Variants in LMF1 observed in about 807,000 individuals in gnomAD.
LMF1 encodes the protein lipase maturation factor 1.
LMF1 carries 68 observed loss-of-function variants against 60.6 expected under a neutral mutation model. The ratio of observed to expected loss-of-function variants is 1.12; its 90% confidence interval spans 0.92 to 1.37. The LOEUF (loss-of-function observed/expected upper bound fraction) is 1.37. Among genes scored for constraint, LMF1 ranks in the 40% most tolerant of loss-of-function variants. The pLI is 0.00. For synonymous variants in LMF1, 418 were observed against 324.7 expected (o/e 1.29, Z -3.09); for missense variants, 948 against 767.2 (o/e 1.24, Z -2.78).
intron 1 of LMF1, 57 bp downstream of exon 1, chr16:970,731 G>C (rs1402838154): frequency 2.1e-6 from 3 of 1,445,184 alleles, no homozygotes; most frequent in East Asian, 5.7e-5. Flanking sequence ...GGGAGGGCGG[G>C]GGTCGTGGTG....
rs1473306393 is a variant in LMF1, at chr16:953,875, A to ACACC, written c.503+478_503+481dup. 6.2e-4 allele frequency among the ~76,000 whole-genome samples: 9 copies of ACACC among 14,532 alleles called. 3 individuals carry two copies. The highest frequency in any genetic ancestry group is 2.3e-3 in the African/African-American group (4 of 1,734). 9.5% of individuals were successfully genotyped at this position (14,532 alleles called of 152,430 possible). ...ACCAGCCTCCTACACGTCCACACAG[A>ACACC]CACCCCAAACCAGCCTCCTACACGT... On this transcript the variant is annotated intron_variant, in intron 2 of 10. Transcript: ENST00000262301.
At chr16:938,052 CA>C (rs5815061) in intron 2 of LMF1, among the ~76,000 whole-genome samples, 69,765 of 147,364 alleles carry the variant, frequency 0.47, 18,564 homozygotes, top group African/African-American at 0.7. Context: ...AAAAATACCA[CA>C]AAAAAAGAGG....
chr16:908,667 C>G (rs780031344), intron 4 of LMF1, among the ~76,000 whole-genome samples: 1 of 152,236 alleles, frequency 6.6e-6, no homozygotes, highest in Admixed American at 6.5e-5. Context: ...GCTCACCAGC[C>G]CAGAGGTCAC....
At chr16:971,266 G>A (rs2432296), upstream of LMF1, among the ~76,000 whole-genome samples, 73,173 of 152,088 alleles carry the variant, frequency 0.48, 18,181 homozygotes, top group South Asian at 0.62. Flanking sequence ...CCCGACCCGA[G>A]CTCACTGGGG....
intron 5 of LMF1, among the ~76,000 whole-genome samples, chr16:886,500 C>CG (rs2070311265): frequency 6.6e-6 from 1 of 151,856 alleles, no homozygotes; most frequent in Non-Finnish European, 1.5e-5. Context: ...CACCCTGCAG[C>CG]GGGCCACCTG....
At chr16:911,851 C>T (rs928297543) in intron 3 of LMF1, among the ~76,000 whole-genome samples, 1 of 152,100 alleles carries the variant, frequency 6.6e-6, no homozygotes, top group Non-Finnish European at 1.5e-5. Context: ...CCGGTCAGCC[C>T]CTCGCAGTCC....
chr16:908,406 A>G, intron 4 of LMF1, among the ~76,000 whole-genome samples: 1 of 152,164 alleles, frequency 6.6e-6, no homozygotes, highest in East Asian at 1.9e-4. Flanking sequence ...CGCACCCCTC[A>G]GCCAGGACCC....
chr16:871,025 C>T (rs1333530524), intron 7 of LMF1, 136 bp downstream of exon 7: 3 of 1,397,532 alleles, frequency 2.1e-6, no homozygotes, highest in African/African-American at 1.4e-5. Context: ...ACACCTTGTT[C>T]CTGGCACGCT....
At chr16:871,368 G>T (rs753806011) in intron 6 of LMF1, 27 bp from the exon 7 acceptor site, 2 of 1,607,988 alleles carry the variant, frequency 1.2e-6, no homozygotes, top group African/African-American at 1.3e-5. Context: ...GCTGAGTCTC[G>T]TGCAGGGGCT....
intron 1 of LMF1, chr16:976,039 G>C (rs2073132656): frequency 3.3e-6 from 1 of 301,492 alleles, no homozygotes; most frequent in African/African-American, 7.8e-5. Context: ...TCTGAAGGTT[G>C]AGCTTGGAAG....
chr16:882,671 G>A (rs2070192852), intron 5 of LMF1, among the ~76,000 whole-genome samples: 1 of 152,074 alleles, frequency 6.6e-6, no homozygotes, highest in African/African-American at 2.4e-5. Context: ...ACAGGACCAG[G>A]AGAAAGAGAA....
At chr16:953,425 G>A (rs1286261001) in intron 2 of LMF1, among the ~76,000 whole-genome samples, 13 of 59,428 alleles carry the variant, frequency 2.2e-4, no homozygotes, top group Admixed American at 4.9e-4. Flanking sequence ...CCTCCTACAC[G>A]TTCACACAGA....
intron 5 of LMF1, among the ~76,000 whole-genome samples, chr16:890,417 C>T (rs899128447): frequency 9.8e-5 from 15 of 152,304 alleles, no homozygotes; most frequent in African/African-American, 3.1e-4. Flanking sequence ...TGGAAGGAGC[C>T]GGCCCGGCCC....
At chr16:871,689 C>T (rs932386719) in intron 6 of LMF1, 16 of 241,202 alleles carry the variant, frequency 6.6e-5, no homozygotes, top group South Asian at 2.5e-4. Context: ...GGGCACCTGC[C>T]GGGGTCATGC....
At chr16:973,074 G>A (rs898543356), upstream of LMF1, among the ~76,000 whole-genome samples, 1 of 152,222 alleles carries the variant, frequency 6.6e-6, no homozygotes, top group Non-Finnish European at 1.5e-5. Flanking sequence ...GAATCCAGGA[G>A]CCGGGCGCCT....
chr16:978,630 G>T (rs1488354380), intron 1 of LMF1, among the ~76,000 whole-genome samples: 1 of 152,166 alleles, frequency 6.6e-6, no homozygotes, highest in African/African-American at 2.4e-5. Context: ...GGGTATACTT[G>T]AAACGTACAC....
At chr16:872,222 G>C (rs966874176) in intron 6 of LMF1, 1 of 152,238 alleles carries the variant, frequency 6.6e-6, no homozygotes, top group Non-Finnish European at 1.5e-5. Flanking sequence ...ACCCTGGGCC[G>C]GCAGGACCTG....
chr16:892,419 G>A (rs550512179), intron 5 of LMF1, among the ~76,000 whole-genome samples: 1 of 152,272 alleles, frequency 6.6e-6, no homozygotes, highest in East Asian at 1.9e-4. Flanking sequence ...ACCACCCCCA[G>A]CCCCCACGTG....
At chr16:970,166 G>A (rs1042855403) in intron 1 of LMF1, among the ~76,000 whole-genome samples, 1 of 152,260 alleles carries the variant, frequency 6.6e-6, no homozygotes, top group African/African-American at 2.4e-5. Flanking sequence ...GAACACTAAA[G>A]GAGAAACTCC....
Sources: allele counts gnomAD v4.1 joint callset (sites outside exome capture counted in the v4.1 genomes callset), GRCh38; gene constraint gnomAD v4.1.1; transcripts MANE v1.5; gene names NCBI Gene and HGNC (gene_info 2026-07-23, HGNC 2026-07-21).